The following CCDC138 variants were observed in gnomAD, a reference collection of about 807,000 sequenced individuals.
The protein encoded by CCDC138 is coiled-coil domain containing 138.
CCDC138 carries 66 observed loss-of-function variants against 82.3 expected under a neutral mutation model. The ratio of observed to expected loss-of-function variants is 0.80; its 90% CI spans 0.66 to 0.98. The LOEUF (loss-of-function observed/expected upper bound fraction) is 0.98, where lower values mean the gene tolerates loss of function less well. Among genes scored for constraint, CCDC138 ranks in the 50% least tolerant of loss-of-function variants. The probability of loss-of-function intolerance (pLI) is 0.00; values close to 1 mark genes in which losing one functional copy is unlikely to be tolerated. For missense variants in CCDC138, 816 were observed against 758.9 expected (o/e 1.08, Z -0.88); for synonymous variants, 297 against 265.4 (o/e 1.12, Z -1.16).
At chr2:108,857,015 T>C in intron 13 of CCDC138, 45 bp downstream of exon 13, 1 of 1,176,416 alleles carries the variant, frequency 8.5e-7, no homozygotes, top group Non-Finnish European at 1.2e-6. Flanking sequence ...AGGATGATTT[T>C]TCTGTCTTTA....
chr2:108,846,759 T>G lies in CCDC138; in HGVS notation c.1345T>G (p.Leu449Val). 1 of 1,611,104 alleles carries G rather than the reference T, an allele frequency of 6.2e-7. No individual in the cohort carries two copies. Among genetic ancestry groups the G allele is most frequent in the Non-Finnish European group, 8.5e-7 (1 of 1,178,010 alleles). ...ACAGCACTCGACTATGACATCAACA[T>G]TGAGGAGATTGGGTGAAGACATTTT... ...GAQHSTMTST[L>V]RRLGEDIFKG... The change falls in exon 12 of 15, where the codon TTG (leucine) becomes GTG (valine). Residue 449 changes from leucine (L) to valine (V), a missense_variant. Transcript: ENST00000295124.
chr2:108,800,874 G>A (rs1480016438), intron 6 of CCDC138, among the ~76,000 whole-genome samples: 15 of 120,806 alleles, frequency 1.2e-4, no homozygotes, highest in East Asian at 1.2e-3. Flanking sequence ...GAGAATATGC[G>A]GTGTTTGGTT....
chr2:108,794,800 T>C, intron 5 of CCDC138, 79 bp downstream of exon 5: 2 of 1,054,448 alleles, frequency 1.9e-6, no homozygotes, highest in Non-Finnish European at 2.7e-6. Context: ...TTGAATATAA[T>C]ATATTTCATT....
At chr2:108,799,211 A>G (rs1490915772) in intron 6 of CCDC138, among the ~76,000 whole-genome samples, 1 of 152,174 alleles carries the variant, frequency 6.6e-6, no homozygotes, top group African/African-American at 2.4e-5. Flanking sequence ...GATTTGCCTG[A>G]TTGCTTCGTA....
chr2:108,866,924 A>G (rs966345945), intron 13 of CCDC138, among the ~76,000 whole-genome samples: 3 of 152,038 alleles, frequency 2.0e-5, no homozygotes, highest in African/African-American at 7.2e-5. Context: ...ACCTTATTAT[A>G]AATTCCCTTT....
At chr2:108,852,059 A>G (rs951443958) in intron 12 of CCDC138, among the ~76,000 whole-genome samples, 3 of 152,172 alleles carry the variant, frequency 2.0e-5, no homozygotes. Flanking sequence ...CCAAAGAAAT[A>G]AACACCTACA....
chr2:108,827,843 T>TTA (rs1686896428), intron 10 of CCDC138, among the ~76,000 whole-genome samples: 2 of 151,338 alleles, frequency 1.3e-5, no homozygotes, highest in African/African-American at 4.9e-5. Context: ...TTAAAAAAAT[T>TTA]TAAAGATTAC....
In CCDC138 at chr2:108,875,328, AAAAAAAAAG is replaced by A. The variant is rs201475998; in HGVS notation, c.1833-756_1833-748del. Among the ~76,000 whole-genome samples, 10,145 of 151,156 alleles carry A rather than the reference AAAAAAAAAG, an allele frequency of 0.067. 2,706 individuals are homozygous for A. In the East Asian group the frequency reaches 0.86, roughly 13 times the overall value. On this transcript the variant is annotated intron_variant, in intron 14 of 14. Coordinates refer to ENST00000295124, the MANE Select transcript of CCDC138 (RefSeq NM_144978.3). The stretch of plus-strand genomic sequence containing the variant: ...AAAACTTAAAGTATAATAAAAAAAA[AAAAAAAAAG>A]AAACAAATTCTTAATGATTGAAATG...
Position 108,839,198 on chromosome 2 carries a change from T to C in CCDC138, c.1220T>C (p.Met407Thr), listed in dbSNP as rs376590180. The C allele has an allele frequency of 1.1e-5, 18 of 1,609,244 alleles. No homozygotes were observed. The highest frequency in any genetic ancestry group is 1.5e-5 in the Non-Finnish European group (18 of 1,177,606). Residue 407 changes from methionine (M) to threonine (T), a missense_variant, in exon 11 of 15, where the codon ATG becomes ACG. By Grantham distance (81) the Met-to-Thr change is moderately conservative (BLOSUM62 -1). Coordinates refer to ENST00000295124, the MANE Select transcript of CCDC138 (RefSeq NM_144978.3). Reference sequence around the variant, plus strand: ...TTTTATCTTTAGCTTTTGCCTCTAATGACAGAGCAGCTACAGTGGATGCCA... The same window carrying C: ...TTTTATCTTTAGCTTTTGCCTCTAACGACAGAGCAGCTACAGTGGATGCCA... ...QEKCVKLLPL[M>T]TEQLQWMPFV...
chr2:108,873,862 A>G (rs1202479881), intron 14 of CCDC138, among the ~76,000 whole-genome samples: 9 of 152,228 alleles, frequency 5.9e-5, no homozygotes, highest in Non-Finnish European at 1.3e-4. Flanking sequence ...AGGTTGGACA[A>G]GCTTGATTTA....
chr2:108,883,352 A>G (rs1482303532), intron 2 of CCDC138: 2 of 152,174 alleles, frequency 1.3e-5, no homozygotes, highest in Non-Finnish European at 2.9e-5. Flanking sequence ...AATGTGCACT[A>G]TTTACTGAGC....
At chr2:108,814,776 C>T (rs186482264) in intron 9 of CCDC138, among the ~76,000 whole-genome samples, 2 of 151,228 alleles carry the variant, frequency 1.3e-5, no homozygotes, top group East Asian at 3.9e-4. Context: ...GATGGGATTA[C>T]AGGCGCCCAC....
intron 2 of CCDC138, among the ~76,000 whole-genome samples, chr2:108,788,553 T>TCCA (rs1679336617): frequency 6.6e-6 from 1 of 150,926 alleles, no homozygotes; most frequent in Non-Finnish European, 1.5e-5. Context: ...CCGTCTCTAC[T>TCCA]AAAAAAAATA....
At chr2:108,828,557 C>T (rs1348579442) in intron 10 of CCDC138, among the ~76,000 whole-genome samples, 1 of 152,106 alleles carries the variant, frequency 6.6e-6, no homozygotes, top group South Asian at 2.1e-4. Context: ...ACATATAGTC[C>T]AATGATTTTT....
At chr2:108,818,694 C>CT (rs1266973998) in intron 10 of CCDC138, among the ~76,000 whole-genome samples, 4 of 151,674 alleles carry the variant, frequency 2.6e-5, no homozygotes, top group East Asian at 1.9e-4. Flanking sequence ...ATCTTAAAAT[C>CT]TTTTTTTTGT....
chr2:108,803,241 G>A (rs1396977100), intron 6 of CCDC138, among the ~76,000 whole-genome samples: 4 of 152,126 alleles, frequency 2.6e-5, no homozygotes, highest in South Asian at 2.1e-4. Flanking sequence ...CCGCCTGAGC[G>A]GCTCAAAGTT....
intron 12 of CCDC138, among the ~76,000 whole-genome samples, chr2:108,847,983 A>C (rs1175649985): frequency 6.6e-6 from 1 of 152,148 alleles, no homozygotes; most frequent in Non-Finnish European, 1.5e-5. Flanking sequence ...CCTATCTCCA[A>C]ATCTTAAAAA....
rs577938399 is a variant in CCDC138, at chr2:108,857,111, G to A, written c.1693+141G>A. 307 of 399,510 alleles carry A rather than the reference G, an allele frequency of 7.7e-4. 1 individual carries two copies. Among genetic ancestry groups the A allele is most frequent in the African/African-American group, 4.4e-3 (142 of 32,146 alleles). 24.7% of individuals were successfully genotyped at this position (399,510 alleles called of 1,614,324 possible). On this transcript the variant is annotated intron_variant, in intron 13 of 14. Transcript: ENST00000295124. ...TTTTTTTTTTTTGAGATGGAGTCTC[G>A]CTTTGTCGTCAAGCTGGAGTGCAGT...
chr2:108,806,321 T>C (rs555914400), intron 7 of CCDC138, among the ~76,000 whole-genome samples: 2 of 152,352 alleles, frequency 1.3e-5, no homozygotes, highest in Non-Finnish European at 2.9e-5. Context: ...CATACCTATC[T>C]CTTAGGTTTC....
Sources: gnomAD v4.1 joint callset for allele counts (sites outside exome capture counted in the v4.1 genomes callset) on GRCh38, gnomAD v4.1.1 for gene constraint, MANE v1.5 for transcripts, NCBI Gene and HGNC (gene_info 2026-07-23, HGNC 2026-07-21) for gene names.